VPS35L: variants seen among roughly 807,000 people sequenced by gnomAD.
VPS35L encodes the protein VPS35 endosomal protein sorting factor like, also known as VPS35 endosomal protein-sorting factor-like.
VPS35L carries 83 observed loss-of-function variants against 133.0 expected under a neutral mutation model. The ratio of observed to expected loss-of-function variants is 0.62; its 90% CI spans 0.52 to 0.75. VPS35L has a LOEUF of 0.75. VPS35L is among the 30% of genes least tolerant of loss of function. The pLI is 0.00. For missense variants in VPS35L, 1,083 were observed against 1,206.8 expected, an observed-to-expected ratio of 0.90 and a Z score of 1.52; for synonymous variants, 423 against 449.9, an observed-to-expected ratio of 0.94 and a Z score of 0.76.
chr16:19,573,409 G>T (rs1971443185), intron 4 of VPS35L, 168 bp downstream of exon 4: 1 of 714,200 alleles, frequency 1.4e-6, no homozygotes, highest in Non-Finnish European at 2.1e-6. Flanking sequence ...AGTGTTGTTG[G>T]CAGAAAAATG....
At chr16:19,650,319 G>T in intron 24 of VPS35L, 63 bp from the exon 25 acceptor site, 2 of 1,292,008 alleles carry the variant, frequency 1.5e-6, no homozygotes, top group East Asian at 4.6e-5. Flanking sequence ...AGATCTCTAT[G>T]GAAGACACTC....
rs1184907935 is a variant in VPS35L, at chr16:19,617,048, T to C, written c.1224+240T>C. ...TAGCTCCAGAGGCCATGTACCTAAGTGAGGCCACACAGCTAGAAAGCAGTT... is the reference window on the plus strand; with the variant it reads ...TAGCTCCAGAGGCCATGTACCTAAGCGAGGCCACACAGCTAGAAAGCAGTT... On this transcript the variant is annotated intron_variant, in intron 14 of 30. Transcript: ENST00000417362. 9 of 643,818 alleles carry C rather than the reference T, an allele frequency of 1.4e-5. No homozygotes were observed. The Admixed American group carries it at 2.2e-4, about 16-fold the overall frequency. The allele number at this position is 643,818 out of a possible 1,614,324, so 39.9% of individuals were successfully genotyped here. A position where few individuals can be genotyped will look rare whatever the true frequency, so the allele number is the denominator to read the frequency against.
chr16:19,613,067 G>A (rs568741103), intron 12 of VPS35L, among the ~76,000 whole-genome samples: 147 of 152,330 alleles, frequency 9.7e-4, no homozygotes, highest in Middle Eastern at 6.8e-3. Flanking sequence ...TTGGGAGGCC[G>A]AGGCGGGCAG....
chr16:19,677,802 T>C (rs1193788994), intron 27 of VPS35L, among the ~76,000 whole-genome samples: 2 of 152,338 alleles, frequency 1.3e-5, no homozygotes, highest in East Asian at 1.9e-4. Flanking sequence ...TTTCTTTCCT[T>C]TCCCTGTTCT....
intron 1 of VPS35L, among the ~76,000 whole-genome samples, chr16:19,560,522 G>T (rs1038435091): frequency 6.6e-6 from 1 of 152,168 alleles, no homozygotes; most frequent in Non-Finnish European, 1.5e-5. Context: ...GAGGCTGGGC[G>T]TGGTGGCTCA....
intron 1 of VPS35L, among the ~76,000 whole-genome samples, chr16:19,557,291 T>C (rs556112719): frequency 2.6e-5 from 4 of 152,292 alleles, no homozygotes; most frequent in East Asian, 3.9e-4. Context: ...ATTTCTACCT[T>C]TGGAATTTTA....
intron 7 of VPS35L, among the ~76,000 whole-genome samples, chr16:19,583,979 G>A (rs1196713065): frequency 6.6e-6 from 1 of 152,112 alleles, no homozygotes; most frequent in African/African-American, 2.4e-5. Context: ...ATCTTTCTGT[G>A]CCTATTTCAC....
At chr16:19,591,923 G>C (rs953872838) in intron 8 of VPS35L, 49 bp downstream of exon 8, 9 of 1,400,478 alleles carry the variant, frequency 6.4e-6, no homozygotes, top group Admixed American at 3.4e-5. Context: ...TGTTCGTTTT[G>C]TCAAGAATTG....
intron 18 of VPS35L, among the ~76,000 whole-genome samples, chr16:19,630,918 A>G (rs1248483755): frequency 6.6e-6 from 1 of 151,978 alleles, no homozygotes; most frequent in Non-Finnish European, 1.5e-5. Context: ...TTGAGGGAGG[A>G]GAATCGCTTC....
At chr16:19,684,290 T>C (rs1234862811) in intron 28 of VPS35L, among the ~76,000 whole-genome samples, 1 of 152,204 alleles carries the variant, frequency 6.6e-6, no homozygotes. Flanking sequence ...CCCTCAGTTC[T>C]AATTTTTGGA....
chr16:19,594,644 CAAA>C (rs57187565), intron 8 of VPS35L, among the ~76,000 whole-genome samples: 404 of 31,388 alleles, frequency 0.013, 1 homozygote, highest in African/African-American at 0.038. Flanking sequence ...GATTTCGTCT[CAAA>C]AAAAAAAAAA....
chr16:19,669,271 A>G lies in VPS35L; in HGVS notation c.2333A>G (p.Asn778Ser). Residue 778 changes from asparagine (N) to serine (S), a missense_variant, in exon 27 of 31, where the codon AAT becomes AGT. Physicochemically the swap from Asn to Ser is conservative, Grantham distance 46 (BLOSUM62 1). Coordinates refer to ENST00000417362, the MANE Select transcript of VPS35L (RefSeq NM_020314.7). ...SESFLLEFLC[N>S]FFSTLLIVPD... ...TCGTTCCTTCTGGAATTCCTCTGCA[A>G]TTTCTTTTCTACTTTATTAATAGTT... 6.2e-7 allele frequency: 1 copy of G among 1,612,642 alleles called. No homozygotes were observed. Among genetic ancestry groups the G allele is most frequent in the Non-Finnish European group, 8.5e-7 (1 of 1,179,002 alleles).
At chr16:19,677,735 A>G (rs1975113758) in intron 27 of VPS35L, among the ~76,000 whole-genome samples, 1 of 152,128 alleles carries the variant, frequency 6.6e-6, no homozygotes, top group Admixed American at 6.5e-5. Context: ...TCAAGTGGTG[A>G]TCTGTCTCCC....
Position 19,639,963 on chromosome 16 carries a change from T to G in VPS35L, c.1699-52T>G. 6.7e-7 allele frequency: 1 copy of G among 1,483,092 alleles called. No homozygotes were observed. Among genetic ancestry groups the G allele is most frequent in the Non-Finnish European group, 9.4e-7 (1 of 1,065,064 alleles). The allele number at this position is 1,483,092 out of a possible 1,614,324, so 91.9% of individuals were successfully genotyped here. ...CAGAAAAAGAGACCCACAGATTCCT[T>G]CCTTCCAATAACTTGTGTCATTTGC... is the stretch of plus-strand genomic sequence containing the variant. On this transcript the variant is annotated intron_variant, in intron 20 of 30. Coordinates refer to ENST00000417362, the MANE Select transcript of VPS35L (RefSeq NM_020314.7). The surrounding 1 kb of genome is among the most constrained non-coding windows in gnomAD (Gnocchi z 4.1).
rs900116765 is a variant in VPS35L at position 19,563,315 on chromosome 16, T to TA, written c.18-1522dup. Among the ~76,000 whole-genome samples the TA allele has an allele frequency of 4.3e-3, 584 of 135,860 alleles. 3 individuals are homozygous for TA. The highest frequency in any genetic ancestry group is 0.042 in the Middle Eastern group (11 of 264). The allele number at this position is 135,860 out of a possible 152,430, so 89.1% of individuals were successfully genotyped here. Reference sequence around the variant, plus strand: ...GAAGATGCCAACTCTCAAAAAAACTTAAAAAAAAAAAAAAGAAAAGGAAAA... The same window carrying TA: ...GAAGATGCCAACTCTCAAAAAAACTTAAAAAAAAAAAAAAAGAAAAGGAAAA... On this transcript the variant is annotated intron_variant, in intron 1 of 30. Transcript: ENST00000417362.
intron 18 of VPS35L, among the ~76,000 whole-genome samples, chr16:19,631,782 C>G (rs1240244324): frequency 6.6e-6 from 1 of 152,190 alleles, no homozygotes; most frequent in Non-Finnish European, 1.5e-5. Flanking sequence ...AATCGTCACT[C>G]ACTCCAGCCA....
At chr16:19,640,677 G>T (rs1435613557) in intron 21 of VPS35L, among the ~76,000 whole-genome samples, 1 of 152,158 alleles carries the variant, frequency 6.6e-6, no homozygotes, top group African/African-American at 2.4e-5. Flanking sequence ...GATTAAGTCT[G>T]TGTTTCCCAA....
At chr16:19,678,007 G>A (rs1975124130) in intron 27 of VPS35L, among the ~76,000 whole-genome samples, 1 of 152,202 alleles carries the variant, frequency 6.6e-6, no homozygotes, top group African/African-American at 2.4e-5. Flanking sequence ...TCAGCAGCTG[G>A]TCAGTGACGA....
chr16:19,670,095 A>C (rs970080545), intron 27 of VPS35L, among the ~76,000 whole-genome samples: 4 of 152,200 alleles, frequency 2.6e-5, no homozygotes, highest in Non-Finnish European at 5.9e-5. Context: ...CCTCCTGAGC[A>C]GCTGGGACTG....
Sources: gnomAD v4.1 joint callset for allele counts (sites outside exome capture counted in the v4.1 genomes callset) on GRCh38, gnomAD v4.1.1 for gene constraint, Gnocchi (gnomAD v3.1) non-coding constraint, MANE v1.5 for transcripts, NCBI Gene and HGNC (gene_info 2026-07-23, HGNC 2026-07-21) for gene names.